The following KLKB1 variants were observed in gnomAD, a reference collection of about 807,000 sequenced individuals.
KLKB1 encodes plasma kallikrein.
A neutral mutation model predicts 73.6 loss-of-function variants in KLKB1; 58 were observed. That is an observed-to-expected ratio of 0.79 (90% confidence interval 0.64 to 0.98). The LOEUF is 0.98. Among genes scored for constraint, KLKB1 ranks in the 50% least tolerant of loss-of-function variants. The pLI is 0.00. For missense variants in KLKB1, 737 were observed against 763.8 expected, an observed-to-expected ratio of 0.96 and a Z score of 0.41; for synonymous variants, 280 against 258.1, an observed-to-expected ratio of 1.08 and a Z score of -0.81.
chr4:186,252,822 C>T (rs1738784666), intron 11 of KLKB1, among the ~76,000 whole-genome samples: 1 of 152,224 alleles, frequency 6.6e-6, no homozygotes. Context: ...TTACTTCTTG[C>T]TCTTTGATTC....
At chr4:186,255,855 A>T in intron 12 of KLKB1, 137 bp from the exon 13 acceptor site, 2 of 665,020 alleles carry the variant, frequency 3.0e-6, no homozygotes, top group Admixed American at 4.9e-5. Flanking sequence ...TTAGCCTTAG[A>T]GGTTGGGCAG....
At position 186,227,606 on chromosome 4, in the gene KLKB1, T is replaced by G. The variant is rs1329829864; in HGVS notation, c.-2+19T>G. 2.0e-5 allele frequency: 3 copies of G among 152,398 alleles called. No individual in the cohort carries two copies. Among genetic ancestry groups the G allele is most frequent in the African/African-American group, 7.2e-5 (3 of 41,472 alleles). The allele number at this position is 152,398 out of a possible 1,614,324, so 9.4% of individuals were successfully genotyped here. A position where few individuals can be genotyped will look rare whatever the true frequency, so the allele number is the denominator to read the frequency against. ...TTTTCAGGTAGCAAATTTTTATTAT[T>G]CTGATTGTTTCCAAATAAACTATAA... On this transcript the variant is annotated intron_variant, in intron 1 of 14. Coordinates refer to ENST00000264690, the MANE Select transcript of KLKB1 (RefSeq NM_000892.5).
At chr4:186,252,881 CTG>C (rs1416988167) in intron 11 of KLKB1, among the ~76,000 whole-genome samples, 2 of 152,220 alleles carry the variant, frequency 1.3e-5, no homozygotes, top group Non-Finnish European at 2.9e-5. Context: ...GTTTCGTACT[CTG>C]TATATTTCAA....
intron 2 of KLKB1, among the ~76,000 whole-genome samples, chr4:186,220,613 T>C (rs1737013971): frequency 6.6e-6 from 1 of 152,220 alleles, no homozygotes; most frequent in African/African-American, 2.4e-5. Flanking sequence ...GAATGTGGTA[T>C]ATAGCATTTA....
intron 5 of KLKB1, among the ~76,000 whole-genome samples, chr4:186,237,740 G>C (rs1312246140): frequency 6.6e-6 from 1 of 152,126 alleles, no homozygotes; most frequent in Non-Finnish European, 1.5e-5. Flanking sequence ...CAGTGGTAAA[G>C]TCTGGGCTTT....
At chr4:186,232,657 G>A (rs1460301414) in intron 3 of KLKB1, among the ~76,000 whole-genome samples, 1 of 152,222 alleles carries the variant, frequency 6.6e-6, no homozygotes, top group African/African-American at 2.4e-5. Flanking sequence ...ATTTAACTGT[G>A]TGACCCATGA....
At chr4:186,238,903 GGACA>G (rs1737849419) in intron 6 of KLKB1, among the ~76,000 whole-genome samples, 2 of 150,038 alleles carry the variant, frequency 1.3e-5, no homozygotes, top group African/African-American at 2.5e-5. Flanking sequence ...TAGAGTTATA[GGACA>G]GTGATATAGG....
At chr4:186,238,459 G>A in intron 6 of KLKB1, 94 bp downstream of exon 6, 1 of 870,286 alleles carries the variant, frequency 1.1e-6, no homozygotes, top group Non-Finnish European at 2.0e-6. Context: ...CTGTGCGTGT[G>A]TTCCCATAGC....
intron 10 of KLKB1, 41 bp from the exon 11 acceptor site, chr4:186,251,976 A>C (rs778767902): frequency 6.2e-7 from 1 of 1,612,980 alleles, no homozygotes; most frequent in East Asian, 2.2e-5. Flanking sequence ...ACTTTGATTC[A>C]CTTCTAATTC....
intron 2 of KLKB1, among the ~76,000 whole-genome samples, chr4:186,217,761 G>A (rs1736939474): frequency 6.6e-6 from 1 of 152,098 alleles, no homozygotes; most frequent in South Asian, 2.1e-4. Flanking sequence ...TCAGTATACA[G>A]GAAGTTTTTT....
chr4:186,249,797 A>G (rs1011902197), intron 6 of KLKB1, among the ~76,000 whole-genome samples: 2 of 152,238 alleles, frequency 1.3e-5, no homozygotes, highest in Non-Finnish European at 2.9e-5. Context: ...TAATGTAATG[A>G]TAATAAAAGT....
Position 186,236,868 on chromosome 4 carries a change from A to AACATTCTT in KLKB1, c.417_418insCATTCTTA (p.Arg140HisfsTer3), listed in dbSNP as rs777280545. 7.4e-6 allele frequency: 12 copies of AACATTCTT among 1,613,968 alleles called. No individual in the cohort carries two copies. The East Asian group carries it at 2.7e-4, about 36-fold the overall frequency. On this transcript the variant is annotated frameshift_variant, in exon 5 of 15. Transcript: ENST00000264690. LOFTEE classifies it high-confidence loss of function. ...GTTAGCAGTGTTGAAGAATGCCAAA[A>AACATTCTT]AAGGTGCACCAGTAACATTCGCTGC...
At chr4:186,243,139 C>T (rs558821038) in intron 6 of KLKB1, among the ~76,000 whole-genome samples, 7 of 152,212 alleles carry the variant, frequency 4.6e-5, no homozygotes, top group East Asian at 1.9e-4. Context: ...GGCAAATCCC[C>T]GAGCTTGATG....
At chr4:186,244,036 G>GA (rs1472116418) in intron 6 of KLKB1, among the ~76,000 whole-genome samples, 2 of 152,174 alleles carry the variant, frequency 1.3e-5, no homozygotes, top group Admixed American at 6.6e-5. Flanking sequence ...CAAGTTGTTT[G>GA]AACAGAAAGG....
upstream of KLKB1, among the ~76,000 whole-genome samples, chr4:186,222,884 C>G (rs1235795261): frequency 3.3e-5 from 5 of 152,030 alleles, no homozygotes; most frequent in African/African-American, 1.2e-4. Flanking sequence ...ATGATTTGTT[C>G]CTGAACTTCC....
At chr4:186,243,682 G>A (rs552978803) in intron 6 of KLKB1, among the ~76,000 whole-genome samples, 56 of 152,268 alleles carry the variant, frequency 3.7e-4, no homozygotes, top group Admixed American at 2.2e-3. Flanking sequence ...CCATATAACC[G>A]CATGGTGGTG....
rs754637452 is a variant in KLKB1, at chr4:186,234,059, G to GT, written c.328+2dup. 1.9e-6 allele frequency: 3 copies of GT among 1,603,190 alleles called. No individual in the cohort carries two copies. In the African/African-American group the frequency reaches 4.0e-5, roughly 21 times the overall value. ...AAGCAATGTGGTCATCAAATAAGTG[G>GT]TAAGTTGTGAATTTCTTAGCTACAT... On this transcript the variant is annotated splice_donor_variant, in intron 4 of 14. Transcript: ENST00000264690. LOFTEE classifies it high-confidence loss of function.
Position 186,258,010 on chromosome 4 carries a change from C to T in KLKB1, c.1726-11C>T, listed in dbSNP as rs190984094. On this transcript the variant is annotated splice_polypyrimidine_tract_variant and intron_variant, in intron 14 of 14. Transcript: ENST00000264690. ...AACTTTCTACTATTTTATTTTTCCA[C>T]TGTGACTCAGGGAGATTCAGGTGGT... is the stretch of plus-strand genomic sequence containing the variant. 9.3e-4 allele frequency: 1,498 copies of T among 1,613,262 alleles called. 1 individual carries two copies. The highest frequency in any genetic ancestry group is 1.2e-3 in the Non-Finnish European group (1,369 of 1,179,206).
At chr4:186,253,287 TTTTG>T (rs141768109) in intron 11 of KLKB1, among the ~76,000 whole-genome samples, 20,305 of 152,134 alleles carry the variant, frequency 0.13, 1,581 homozygotes, top group Middle Eastern at 0.21. Flanking sequence ...CACCAAGTAT[TTTTG>T]TTTTAGTGAA....
Sources: gnomAD v4.1 joint callset for allele counts (sites outside exome capture counted in the v4.1 genomes callset) on GRCh38, gnomAD v4.1.1 for gene constraint, MANE v1.5 for transcripts, NCBI Gene and HGNC (gene_info 2026-07-23, HGNC 2026-07-21) for gene names.